The following PPIL2 variants were observed in gnomAD, a reference collection of about 807,000 sequenced individuals.
PPIL2 encodes peptidylprolyl isomerase like 2.
In PPIL2, 50 loss-of-function variants were observed where a neutral mutation model predicts 75.2. The observed-to-expected ratio is 0.66, with a 90% CI of 0.53 to 0.84. The LOEUF (loss-of-function observed/expected upper bound fraction) is 0.84, where lower values mean the gene tolerates loss of function less well. Among genes scored for constraint, PPIL2 ranks in the 40% least tolerant of loss-of-function variants. The pLI, the probability that PPIL2 is intolerant of heterozygous loss-of-function variation, is 0.00. For synonymous variants in PPIL2, 245 were observed against 258.8 expected, an observed-to-expected ratio of 0.95 and a Z score of 0.51; for missense variants, 590 against 685.0, an observed-to-expected ratio of 0.86 and a Z score of 1.55.
At chr22:21,686,866 G>A (rs1440544990) in intron 11 of PPIL2, 26 bp from the exon 12 acceptor site, 1 of 1,610,332 alleles carries the variant, frequency 6.2e-7, no homozygotes. Context: ...TGAGGGCAGG[G>A]GCTGAGCTGG....
intron 9 of PPIL2, among the ~76,000 whole-genome samples, chr22:21,684,155 T>C (rs2067242766): frequency 6.6e-6 from 1 of 150,622 alleles, no homozygotes; most frequent in Non-Finnish European, 1.5e-5. Flanking sequence ...TACAGTGAGC[T>C]GAGATCTTGC....
At position 21,684,748 on chromosome 22, in the gene PPIL2, T is replaced by C; in HGVS notation, c.554-5T>C. ...GCGGCTCAGGGCCATGCTACTGTTTTGTAGATGAAGAGAAGGCCAAACAGG... is the reference window on the plus strand; with the variant it reads ...GCGGCTCAGGGCCATGCTACTGTTTCGTAGATGAAGAGAAGGCCAAACAGG... On this transcript the variant is annotated splice_polypyrimidine_tract_variant and splice_region_variant and intron_variant, in intron 9 of 19. Coordinates refer to ENST00000398831, the MANE Select transcript of PPIL2 (RefSeq NM_014337.4). 1.9e-6 allele frequency: 3 copies of C among 1,613,652 alleles called. No homozygotes were observed. Among genetic ancestry groups the C allele is most frequent in the Non-Finnish European group, 1.7e-6 (2 of 1,179,870 alleles).
chr22:21,685,042 C>T, intron 10 of PPIL2, 129 bp downstream of exon 10: 3 of 1,304,054 alleles, frequency 2.3e-6, no homozygotes, highest in South Asian at 1.5e-5. Flanking sequence ...AGCCAGGATC[C>T]CCCAGAGCTG....
rs1601613511 is a variant in PPIL2 at position 21,696,681 on chromosome 22, A to G, written c.*1191A>G. 3 of 1,533,608 alleles carry G rather than the reference A, an allele frequency of 2.0e-6. No individual in the cohort carries two copies. The highest frequency in any genetic ancestry group is 4.9e-5 in the East Asian group (2 of 41,000). ...CCCCCCACTTCTAGTTCTTCACACT[A>G]AGCCCTAACTTAGGCCTTGTTCTTG... is the stretch of plus-strand genomic sequence containing the variant. On this transcript the variant is annotated 3_prime_UTR_variant, in exon 20 of 20. Transcript: ENST00000398831.
chr22:21,666,814 TAATA>T (rs1389088068), intron 1 of PPIL2, among the ~76,000 whole-genome samples: 1 of 151,978 alleles, frequency 6.6e-6, no homozygotes, highest in Non-Finnish European at 1.5e-5. Context: ...GTCTCAAAAA[TAATA>T]AATAAAATTT....
At chr22:21,692,340 G>C (rs1021371766) in intron 15 of PPIL2, among the ~76,000 whole-genome samples, 1 of 151,584 alleles carries the variant, frequency 6.6e-6, no homozygotes, top group Non-Finnish European at 1.5e-5. Flanking sequence ...ATTTTTAGTA[G>C]AGATGGGGTT....
intron 6 of PPIL2, among the ~76,000 whole-genome samples, chr22:21,676,520 T>C (rs1450318767): frequency 1.3e-5 from 2 of 151,788 alleles, no homozygotes; most frequent in African/African-American, 4.8e-5. Flanking sequence ...CCTTCTGCAG[T>C]GTTTGTGTCC....
chr22:21,689,942 C>G (rs542468601), intron 15 of PPIL2, among the ~76,000 whole-genome samples: 2 of 152,150 alleles, frequency 1.3e-5, no homozygotes, highest in Admixed American at 1.3e-4. Flanking sequence ...CCTGGCCTGT[C>G]GTGGCTTCGC....
intron 15 of PPIL2, among the ~76,000 whole-genome samples, chr22:21,691,067 C>T (rs899310910): frequency 1.4e-5 from 2 of 144,084 alleles, no homozygotes; most frequent in East Asian, 2.1e-4. Context: ...TGGGTTCAAG[C>T]GGTTCTCCTG....
chr22:21,682,269 T>G (rs565887934), intron 7 of PPIL2, among the ~76,000 whole-genome samples, 168 bp from the exon 8 acceptor site: 1 of 152,280 alleles, frequency 6.6e-6, no homozygotes, highest in East Asian at 1.9e-4. Flanking sequence ...GCTCCGCCTC[T>G]GTGGGAGCCA....
At chr22:21,676,304 TTA>T (rs1400516760) in intron 6 of PPIL2, among the ~76,000 whole-genome samples, 60 of 131,268 alleles carry the variant, frequency 4.6e-4, no homozygotes, top group African/African-American at 1.7e-3. Context: ...ATTTATTTAT[TTA>T]TTTTGTGTGT....
At chr22:21,668,075 C>T (rs2066464890) in intron 1 of PPIL2, among the ~76,000 whole-genome samples, 1 of 151,768 alleles carries the variant, frequency 6.6e-6, no homozygotes, top group Non-Finnish European at 1.5e-5. Context: ...CCGTGCCGGG[C>T]CAGACATCTC....
At chr22:21,677,722 C>T (rs1167737610) in intron 6 of PPIL2, among the ~76,000 whole-genome samples, 1 of 152,072 alleles carries the variant, frequency 6.6e-6, no homozygotes, top group Non-Finnish European at 1.5e-5. Context: ...GGAGGGACAG[C>T]AAATATTTAT....
intron 3 of PPIL2, 128 bp downstream of exon 3, chr22:21,670,739 T>C (rs2066599598): frequency 4.5e-6 from 5 of 1,099,658 alleles, no homozygotes; most frequent in East Asian, 2.4e-5. Context: ...CTTCAGTTCA[T>C]GTTGGGAGAA....
At chr22:21,698,658 A>G (rs1310321310), downstream of PPIL2, 1 of 152,408 alleles carries the variant, frequency 6.6e-6, no homozygotes, top group Admixed American at 6.5e-5. Context: ...CCACCCGGGA[A>G]GGTGTCTTTC....
At chr22:21,682,192 C>T (rs1224807247) in intron 7 of PPIL2, among the ~76,000 whole-genome samples, 1 of 152,240 alleles carries the variant, frequency 6.6e-6, no homozygotes, top group Admixed American at 6.5e-5. Context: ...GATCAATGTG[C>T]AGACAAGAGC....
At chr22:21,681,789 C>T (rs927880322) in intron 7 of PPIL2, among the ~76,000 whole-genome samples, 1 of 152,258 alleles carries the variant, frequency 6.6e-6, no homozygotes, top group Non-Finnish European at 1.5e-5. Context: ...GAGCTGTCCC[C>T]TGGAGGAGTT....
At chr22:21,682,064 T>G (rs1266673630) in intron 7 of PPIL2, among the ~76,000 whole-genome samples, 1 of 152,146 alleles carries the variant, frequency 6.6e-6, no homozygotes, top group East Asian at 1.9e-4. Context: ...ACCGCAGGAG[T>G]GCAGGCATCT....
At chr22:21,686,156 T>TG in intron 10 of PPIL2, among the ~76,000 whole-genome samples, 1 of 152,170 alleles carries the variant, frequency 6.6e-6, no homozygotes. Flanking sequence ...GAGCAAGACC[T>TG]TGTCTCATAA....
Sources: allele counts gnomAD v4.1 joint callset (sites outside exome capture counted in the v4.1 genomes callset), GRCh38; gene constraint gnomAD v4.1.1; transcripts MANE v1.5; gene names NCBI Gene and HGNC (gene_info 2026-07-23, HGNC 2026-07-21).